The following NSUN3 variants were observed in gnomAD, a reference collection of about 807,000 sequenced individuals.
NSUN3 encodes the protein tRNA (cytosine(34)-C(5))-methyltransferase, mitochondrial.
A neutral mutation model predicts 36.8 loss-of-function variants in NSUN3; 24 were observed. The observed-to-expected ratio is 0.65, with a 90% CI of 0.47 to 0.92. The LOEUF (loss-of-function observed/expected upper bound fraction) is 0.92, where lower values mean the gene tolerates loss of function less well. NSUN3 is among the 40% of genes least tolerant of loss of function. The probability of loss-of-function intolerance (pLI) is 0.00; values close to 1 mark genes in which losing one functional copy is unlikely to be tolerated. For missense variants in NSUN3, 381 were observed against 392.8 expected (o/e 0.97, Z 0.25); for synonymous variants, 146 against 145.2 (o/e 1.01, Z -0.04).
At chr3:94,095,945 G>C (rs1018008387) in intron 5 of NSUN3, among the ~76,000 whole-genome samples, 1 of 143,290 alleles carries the variant, frequency 7.0e-6, no homozygotes, top group African/African-American at 2.6e-5. Flanking sequence ...ATTTTTAGTA[G>C]AGATAGGATT....
At chr3:94,116,370 T>A (rs991211252) in intron 5 of NSUN3, among the ~76,000 whole-genome samples, 4 of 152,270 alleles carry the variant, frequency 2.6e-5, no homozygotes, top group Non-Finnish European at 5.9e-5. Flanking sequence ...CGTTTATTAT[T>A]GATTTTACAG....
At chr3:94,088,898 A>C (rs2077303856) in intron 3 of NSUN3, among the ~76,000 whole-genome samples, 1 of 151,996 alleles carries the variant, frequency 6.6e-6, no homozygotes, top group African/African-American at 2.4e-5. Context: ...CGAGCTCCTG[A>C]CCTCAGGCGA....
chr3:94,068,975 T>G (rs2077215423), intron 2 of NSUN3, among the ~76,000 whole-genome samples: 1 of 152,184 alleles, frequency 6.6e-6, no homozygotes, highest in Admixed American at 6.6e-5. Flanking sequence ...AAGAAGTAAC[T>G]TTTAGACACT....
At chr3:94,079,627 T>G (rs2077260156) in intron 2 of NSUN3, among the ~76,000 whole-genome samples, 1 of 152,070 alleles carries the variant, frequency 6.6e-6, no homozygotes. Context: ...GTTCATTCCT[T>G]TTTACTCTTT....
intron 5 of NSUN3, among the ~76,000 whole-genome samples, chr3:94,105,293 G>A (rs149424404): frequency 1.3e-5 from 2 of 152,104 alleles, no homozygotes; most frequent in Admixed American, 6.5e-5. Flanking sequence ...GAAAAACCAC[G>A]ATCCAGCCTA....
intron 2 of NSUN3, among the ~76,000 whole-genome samples, chr3:94,083,283 A>C (rs951188589): frequency 6.6e-6 from 1 of 152,178 alleles, no homozygotes; most frequent in Non-Finnish European, 1.5e-5. Context: ...AAAGAATCTG[A>C]TAAAACACAC....
At chr3:94,072,461 A>G (rs1462590149) in intron 2 of NSUN3, among the ~76,000 whole-genome samples, 1 of 152,334 alleles carries the variant, frequency 6.6e-6, no homozygotes, top group South Asian at 2.1e-4. Context: ...GTACACATCC[A>G]GTCAGTAACA....
chr3:94,122,006 G>A (rs142508957), intron 5 of NSUN3, among the ~76,000 whole-genome samples: 94 of 152,070 alleles, frequency 6.2e-4, no homozygotes, highest in East Asian at 5.4e-3. Flanking sequence ...TTAGCCAGGC[G>A]TGGTGGCAGG....
chr3:94,066,202 A>G (rs886080840), intron 2 of NSUN3, among the ~76,000 whole-genome samples: 3 of 152,172 alleles, frequency 2.0e-5, no homozygotes, highest in Non-Finnish European at 4.4e-5. Flanking sequence ...AAAATGAGCA[A>G]TGAACCTCAA....
At chr3:94,101,139 A>G (rs1454617594) in intron 5 of NSUN3, among the ~76,000 whole-genome samples, 10 of 152,130 alleles carry the variant, frequency 6.6e-5, no homozygotes, top group Non-Finnish European at 7.4e-5. Flanking sequence ...CTACAGATGC[A>G]TGCTACCACA....
At chr3:94,063,444 A>G (rs2077190130) in intron 1 of NSUN3, 1 of 392,180 alleles carries the variant, frequency 2.5e-6, no homozygotes, top group East Asian at 3.8e-5. Flanking sequence ...CATAGTAGGC[A>G]TTGAATACAC....
chr3:94,064,610 G>T, intron 2 of NSUN3, 64 bp downstream of exon 2: 3 of 1,005,628 alleles, frequency 3.0e-6, no homozygotes, highest in Non-Finnish European at 1.5e-6. Flanking sequence ...CCTCCTTTTT[G>T]TGGGAGGGAT....
intron 5 of NSUN3, among the ~76,000 whole-genome samples, chr3:94,095,913 A>ATTTTTTTTTTTTTTTTTTTTTTTTT (rs60524751): frequency 8.0e-6 from 1 of 124,530 alleles, no homozygotes; most frequent in Non-Finnish European, 1.7e-5. Context: ...AGCCTAGCTA[A>ATTTTTTTTTTTTTTTTTTTTTTTTT]TTTTTTTTTT....
intron 3 of NSUN3, among the ~76,000 whole-genome samples, chr3:94,089,875 T>G (rs2077307505): frequency 6.6e-6 from 1 of 152,196 alleles, no homozygotes; most frequent in South Asian, 2.1e-4. Context: ...AGTCTAATTC[T>G]TTCTTCTGAG....
At chr3:94,103,322 G>T (rs1156807752) in intron 5 of NSUN3, among the ~76,000 whole-genome samples, 1 of 151,922 alleles carries the variant, frequency 6.6e-6, no homozygotes, top group African/African-American at 2.4e-5. Context: ...GAACAGTTAG[G>T]GTGCTGGGGG....
At chr3:94,066,007 T>C (rs2077203016) in intron 2 of NSUN3, among the ~76,000 whole-genome samples, 1 of 151,242 alleles carries the variant, frequency 6.6e-6, no homozygotes, top group African/African-American at 2.4e-5. Flanking sequence ...ACTCAATAAC[T>C]CCCACAGCTC....
At chr3:94,113,937 T>C (rs924619782) in intron 5 of NSUN3, among the ~76,000 whole-genome samples, 1 of 152,234 alleles carries the variant, frequency 6.6e-6, no homozygotes, top group Admixed American at 6.5e-5. Flanking sequence ...ATGAAAAGTT[T>C]CAAATTATGT....
At chr3:94,100,200 T>C (rs1391056436) in intron 5 of NSUN3, among the ~76,000 whole-genome samples, 2 of 152,224 alleles carry the variant, frequency 1.3e-5, no homozygotes, top group Admixed American at 6.5e-5. Context: ...AACTTTCTGA[T>C]TGTACTATTT....
chr3:94,072,569 G>A (rs2077228326), intron 2 of NSUN3, among the ~76,000 whole-genome samples: 1 of 152,158 alleles, frequency 6.6e-6, no homozygotes, highest in South Asian at 2.1e-4. Context: ...GTTGAGAACA[G>A]ATAGGTGAGA....
Sources: allele counts gnomAD v4.1 joint callset (sites outside exome capture counted in the v4.1 genomes callset), GRCh38; gene constraint gnomAD v4.1.1; transcripts MANE v1.5; gene names NCBI Gene and HGNC (gene_info 2026-07-23, HGNC 2026-07-21).